HS2ST1: variants seen among roughly 807,000 people sequenced by gnomAD.
The protein encoded by HS2ST1 is 2-O-sulfotransferase.
A neutral mutation model predicts 42.9 loss-of-function variants in HS2ST1; 18 were observed. The observed-to-expected ratio is 0.42, with a 90% CI of 0.29 to 0.62. The LOEUF (loss-of-function observed/expected upper bound fraction) is 0.62. Ranked by LOEUF, HS2ST1 falls within the 20% of genes least tolerant of loss-of-function variation. HS2ST1 has a pLI of 0.21. For missense variants in HS2ST1, 334 were observed against 433.8 expected (o/e 0.77, Z 2.04); for synonymous variants, 146 against 152.9 (o/e 0.95, Z 0.33).
At chr1:87,010,667 A>T (rs1649572948) in intron 1 of HS2ST1, among the ~76,000 whole-genome samples, 1 of 152,120 alleles carries the variant, frequency 6.6e-6, no homozygotes, top group Admixed American at 6.6e-5. Context: ...TATAAATTTG[A>T]AATATTTTGA....
intron 1 of HS2ST1, among the ~76,000 whole-genome samples, chr1:86,986,677 G>C (rs1353369580): frequency 2.0e-5 from 3 of 152,164 alleles, no homozygotes; most frequent in Non-Finnish European, 4.4e-5. Flanking sequence ...TGGTGTTGAG[G>C]ATGGAGGAGT....
rs989781321 is a variant in HS2ST1, at chr1:86,914,979, C to T, written c.-58C>T. 9 of 1,607,506 alleles carry T rather than the reference C, an allele frequency of 5.6e-6. No homozygotes were observed. Among genetic ancestry groups the T allele is most frequent in the South Asian group, 4.4e-5 (4 of 90,816 alleles). On this transcript the variant is annotated 5_prime_UTR_variant, in exon 1 of 7. Transcript: ENST00000370550. ...GGGCTCCTCCCGGCGTCTCTCTCGC[C>T]TCCGGGGTCCCGCTCCCCGCCCCCC...
chr1:87,030,133 A>G (rs974187372), intron 1 of HS2ST1, among the ~76,000 whole-genome samples: 1 of 152,214 alleles, frequency 6.6e-6, no homozygotes, highest in African/African-American at 2.4e-5. Flanking sequence ...TAACCAACAC[A>G]TTCTTGTTAC....
At chr1:87,103,102 T>A (rs533993378) in intron 5 of HS2ST1, among the ~76,000 whole-genome samples, 12 of 152,326 alleles carry the variant, frequency 7.9e-5, no homozygotes, top group African/African-American at 2.9e-4. Flanking sequence ...TAGAGTAGTT[T>A]AAAAAAGTTA....
At chr1:86,951,842 A>G (rs2102187061) in intron 1 of HS2ST1, among the ~76,000 whole-genome samples, 1 of 152,372 alleles carries the variant, frequency 6.6e-6, no homozygotes, top group East Asian at 1.9e-4. Flanking sequence ...TTGTCATTTC[A>G]GCATGTTCAC....
At position 87,073,143 on chromosome 1, in the gene HS2ST1, A is replaced by G; in HGVS notation, c.334A>G (p.Asn112Asp). 6.2e-7 allele frequency: 1 copy of G among 1,611,372 alleles called. No homozygotes were observed. Among genetic ancestry groups the G allele is most frequent in the Non-Finnish European group, 8.5e-7 (1 of 1,177,486 alleles). ...YHVLHINTTKNNPVMSLQDQV... is the reference protein window; with the variant it reads ...YHVLHINTTKDNPVMSLQDQV... ...TGTCCTTCATATCAACACTACCAAA[A>G]ATAATCCAGTGATGTCATTGCAAGA... The change falls in exon 2 of 7, where the codon AAT becomes GAT. Residue 112 changes from asparagine to aspartate, a missense_variant. Transcript: ENST00000370550.
At chr1:87,092,804 A>G (rs1051348443) in intron 4 of HS2ST1, 135 bp downstream of exon 4, 3 of 457,308 alleles carry the variant, frequency 6.6e-6, no homozygotes, top group African/African-American at 2.0e-5. Context: ...AACCCAAAAT[A>G]TAAAGAAGCA....
chr1:87,046,351 C>A, intron 1 of HS2ST1: 1 of 751,986 alleles, frequency 1.3e-6, no homozygotes, highest in Non-Finnish European at 2.5e-6. Flanking sequence ...ATCTTTTGGG[C>A]AAAGTACTTA....
At chr1:87,020,764 C>T (rs147627760) in intron 1 of HS2ST1, among the ~76,000 whole-genome samples, 2 of 152,276 alleles carry the variant, frequency 1.3e-5, no homozygotes, top group East Asian at 3.9e-4. Context: ...TTAATCTCCT[C>T]TCCTGTGAGG....
chr1:87,067,401 C>G (rs1651281843), intron 1 of HS2ST1, among the ~76,000 whole-genome samples: 1 of 152,044 alleles, frequency 6.6e-6, no homozygotes, highest in Non-Finnish European at 1.5e-5. Context: ...TGTCCTTCAC[C>G]CACTTTTTGA....
chr1:87,000,106 T>TA (rs140124849), intron 1 of HS2ST1, among the ~76,000 whole-genome samples: 17,316 of 148,636 alleles, frequency 0.12, 1,071 homozygotes, highest in African/African-American at 0.15. Flanking sequence ...CTTGACTCAT[T>TA]AAAAAAAAAA....
At chr1:87,103,154 T>C (rs1393491608) in intron 5 of HS2ST1, among the ~76,000 whole-genome samples, 1 of 152,246 alleles carries the variant, frequency 6.6e-6, no homozygotes, top group Non-Finnish European at 1.5e-5. Flanking sequence ...ATGTTTCTTA[T>C]ATCCATATAC....
chr1:87,089,630 T>G (rs1444449591), intron 3 of HS2ST1, among the ~76,000 whole-genome samples: 1 of 152,048 alleles, frequency 6.6e-6, no homozygotes, highest in Non-Finnish European at 1.5e-5. Flanking sequence ...GTTGCTATTT[T>G]TAATCATGCC....
chr1:87,018,502 T>G (rs1649827545), intron 1 of HS2ST1, among the ~76,000 whole-genome samples: 1 of 152,176 alleles, frequency 6.6e-6, no homozygotes, highest in Non-Finnish European at 1.5e-5. Context: ...GTTTGGCTCC[T>G]GCAGTGCATG....
intron 1 of HS2ST1, among the ~76,000 whole-genome samples, chr1:86,944,299 A>G (rs1647265666): frequency 6.6e-6 from 1 of 152,192 alleles, no homozygotes; most frequent in Non-Finnish European, 1.5e-5. Context: ...AGAAAATGTT[A>G]AATGCCAGAA....
At chr1:86,939,605 A>T (rs1163788455) in intron 1 of HS2ST1, among the ~76,000 whole-genome samples, 2 of 152,214 alleles carry the variant, frequency 1.3e-5, no homozygotes, top group Non-Finnish European at 2.9e-5. Context: ...ATGCTGGTGC[A>T]TGTGTCCCAC....
At chr1:86,921,257 T>G (rs1167806176) in intron 1 of HS2ST1, among the ~76,000 whole-genome samples, 2 of 152,188 alleles carry the variant, frequency 1.3e-5, no homozygotes, top group African/African-American at 4.8e-5. Context: ...GGTTTTGAAA[T>G]CTTTGATAAT....
chr1:87,009,168 A>T (rs1323619026), intron 1 of HS2ST1, among the ~76,000 whole-genome samples: 1 of 152,208 alleles, frequency 6.6e-6, no homozygotes, highest in Non-Finnish European at 1.5e-5. Flanking sequence ...ATTACTGTGG[A>T]CAATATTGCG....
intron 1 of HS2ST1, among the ~76,000 whole-genome samples, chr1:86,936,211 T>A (rs1342543282): frequency 2.0e-5 from 3 of 152,156 alleles, no homozygotes; most frequent in Admixed American, 1.3e-4. Flanking sequence ...GAATGTTTTT[T>A]AAATTTTTAA....
Sources: allele counts gnomAD v4.1 joint callset (sites outside exome capture counted in the v4.1 genomes callset), GRCh38; gene constraint gnomAD v4.1.1; transcripts MANE v1.5; gene names NCBI Gene and HGNC (gene_info 2026-07-23, HGNC 2026-07-21).